CELF4: variants seen among roughly 807,000 people sequenced by gnomAD.
CELF4 encodes CUG-BP- and ETR-3-like factor 4.
CELF4 carries 18 observed loss-of-function variants against 59.9 expected under a neutral mutation model. That is an observed-to-expected ratio of 0.30 (90% CI 0.21 to 0.45). CELF4 has a LOEUF of 0.45. CELF4 is among the 20% of genes least tolerant of loss of function. CELF4 has a pLI of 1.00. For synonymous variants in CELF4, 261 were observed against 267.1 expected, an observed-to-expected ratio of 0.98 and a Z score of 0.22; for missense variants, 456 against 689.0, an observed-to-expected ratio of 0.66 and a Z score of 3.79.
intron 2 of CELF4, among the ~76,000 whole-genome samples, chr18:37,457,184 C>G (rs2099780700): frequency 6.6e-6 from 1 of 152,184 alleles, no homozygotes; most frequent in Non-Finnish European, 1.5e-5. Flanking sequence ...TGGGACAAGG[C>G]CCTGGCTCCC....
At chr18:37,339,158 C>T (rs2097897735) in intron 2 of CELF4, among the ~76,000 whole-genome samples, 1 of 152,252 alleles carries the variant, frequency 6.6e-6, no homozygotes, top group African/African-American at 2.4e-5. Context: ...CTGCCTCTCT[C>T]TCCTGCACAC....
intron 2 of CELF4, among the ~76,000 whole-genome samples, chr18:37,470,887 T>TGTGTGTGTGTGTGTGTGAGAGA (rs1325788685): frequency 1.4e-5 from 1 of 71,928 alleles, no homozygotes; most frequent in Admixed American, 1.8e-4. Context: ...TGTGTGTGTG[T>TGTGTGTGTGTGTGTGTGAGAGA]GACAGAGAGA....
At chr18:37,278,400 G>A (rs1045983234) in intron 3 of CELF4, among the ~76,000 whole-genome samples, 2 of 152,210 alleles carry the variant, frequency 1.3e-5, no homozygotes, top group African/African-American at 4.8e-5. Flanking sequence ...TCCTCCAGTT[G>A]GGTATTGTGG....
chr18:37,418,415 C>T (rs937175050), intron 2 of CELF4, among the ~76,000 whole-genome samples: 2 of 152,224 alleles, frequency 1.3e-5, no homozygotes, highest in African/African-American at 4.8e-5. Context: ...CTCAGGACCA[C>T]CTGCCCCCCA....
At chr18:37,295,825 G>A (rs973591500) in intron 3 of CELF4, among the ~76,000 whole-genome samples, 7 of 152,328 alleles carry the variant, frequency 4.6e-5, no homozygotes, top group East Asian at 1.9e-4. Context: ...CATTGGCGGC[G>A]AGAGGAAGAG....
At chr18:37,418,977 G>A (rs1402378666) in intron 2 of CELF4, among the ~76,000 whole-genome samples, 1 of 152,192 alleles carries the variant, frequency 6.6e-6, no homozygotes, top group East Asian at 1.9e-4. Context: ...TAGCATAGGT[G>A]CACATGGTAG....
intron 2 of CELF4, among the ~76,000 whole-genome samples, chr18:37,347,670 C>T (rs1455347306): frequency 6.6e-6 from 1 of 152,150 alleles, no homozygotes; most frequent in African/African-American, 2.4e-5. Flanking sequence ...CCCAAACCTG[C>T]CCCTGGGCAC....
intron 2 of CELF4, among the ~76,000 whole-genome samples, chr18:37,350,057 C>T (rs2098406780): frequency 1.3e-5 from 2 of 152,066 alleles, no homozygotes; most frequent in Non-Finnish European, 2.9e-5. Flanking sequence ...CAGGCTGTGG[C>T]AGTGCAATTT....
At chr18:37,536,976 A>G (rs1421898105) in intron 1 of CELF4, among the ~76,000 whole-genome samples, 1 of 152,180 alleles carries the variant, frequency 6.6e-6, no homozygotes, top group Non-Finnish European at 1.5e-5. Context: ...ATGTGATCTG[A>G]TGTAGCACAT....
rs1385097558 is a variant in CELF4 at position 37,553,188 on chromosome 18, A to AT, written c.286+12167dup. Among the ~76,000 whole-genome samples, 148 of 152,086 alleles carry AT rather than the reference A, an allele frequency of 9.7e-4. 1 individual carries two copies. Among genetic ancestry groups the AT allele is most frequent in the South Asian group, 3.7e-3 (18 of 4,820 alleles). On this transcript the variant is annotated intron_variant, in intron 1 of 12. Coordinates refer to ENST00000420428, the MANE Select transcript of CELF4 (RefSeq NM_020180.4). The stretch of plus-strand genomic sequence containing the variant: ...GAAGGTCCTGTTTTTCAATAAAAAG[A>AT]TTTTTTTTTTAAAATTGGATAAGAA...
intron 1 of CELF4, among the ~76,000 whole-genome samples, chr18:37,532,392 G>GT (rs1375350551): frequency 2.6e-5 from 4 of 152,166 alleles, no homozygotes; most frequent in African/African-American, 4.8e-5. Flanking sequence ...AGTCACCTTT[G>GT]TAACCCTCAC....
intron 2 of CELF4, among the ~76,000 whole-genome samples, chr18:37,445,504 G>C (rs147843210): frequency 6.6e-6 from 1 of 151,942 alleles, no homozygotes; most frequent in African/African-American, 2.4e-5. Context: ...TTGTCACCTC[G>C]TGGGGTAGTG....
chr18:37,298,492 G>T (rs2095805584), intron 3 of CELF4, among the ~76,000 whole-genome samples: 1 of 152,110 alleles, frequency 6.6e-6, no homozygotes, highest in Non-Finnish European at 1.5e-5. Flanking sequence ...GGCCGAGGTG[G>T]GTGGATCACT....
chr18:37,377,901 G>A (rs1420582330), intron 2 of CELF4, among the ~76,000 whole-genome samples: 1 of 152,184 alleles, frequency 6.6e-6, no homozygotes, highest in African/African-American at 2.4e-5. Flanking sequence ...AAGGAGATGG[G>A]GGACTAGGGG....
chr18:37,472,794 G>A (rs527600750), intron 2 of CELF4, among the ~76,000 whole-genome samples: 1 of 152,318 alleles, frequency 6.6e-6, no homozygotes, highest in East Asian at 1.9e-4. Context: ...GAGGCCTGAA[G>A]GAGAAATGAG....
intron 2 of CELF4, among the ~76,000 whole-genome samples, chr18:37,419,542 A>G (rs2099556317): frequency 6.6e-6 from 1 of 152,134 alleles, no homozygotes; most frequent in South Asian, 2.1e-4. Context: ...CATTCCTGGA[A>G]GATGGATGGG....
At chr18:37,466,227 C>T (rs1192712343) in intron 2 of CELF4, among the ~76,000 whole-genome samples, 1 of 152,196 alleles carries the variant, frequency 6.6e-6, no homozygotes, top group Admixed American at 6.5e-5. Context: ...GTCTGCAGGC[C>T]ACAGAGCTGA....
At chr18:37,275,092 C>T (rs1043746911) in intron 4 of CELF4, 23 bp downstream of exon 4, 11 of 1,609,664 alleles carry the variant, frequency 6.8e-6, no homozygotes, top group African/African-American at 1.3e-5. Context: ...CCGGGGCATC[C>T]CTCCCGGCCC....
At chr18:37,469,760 C>T (rs2099816750) in intron 2 of CELF4, among the ~76,000 whole-genome samples, 1 of 152,184 alleles carries the variant, frequency 6.6e-6, no homozygotes, top group Non-Finnish European at 1.5e-5. Context: ...AGCGGGTTTT[C>T]TTCCATTGAT....
Sources: gnomAD v4.1 joint callset for allele counts (sites outside exome capture counted in the v4.1 genomes callset) on GRCh38, gnomAD v4.1.1 for gene constraint, MANE v1.5 for transcripts, NCBI Gene and HGNC (gene_info 2026-07-23, HGNC 2026-07-21) for gene names.